NDST3: variants seen among roughly 807,000 people sequenced by gnomAD.
NDST3 encodes the protein bifunctional heparan sulfate N-deacetylase/N-sulfotransferase 3.
Under a neutral mutation model 96.1 loss-of-function variants are expected in NDST3, and 58 were observed. The observed-to-expected ratio is 0.60, with a 90% CI of 0.49 to 0.75. NDST3 has a LOEUF of 0.75. Among genes scored for constraint, NDST3 ranks in the 30% least tolerant of loss-of-function variants. The pLI, the probability that NDST3 is intolerant of heterozygous loss-of-function variation, is 0.00. For missense variants in NDST3, 788 were observed against 1,034.2 expected, an observed-to-expected ratio of 0.76 and a Z score of 3.27; for synonymous variants, 333 against 359.7, an observed-to-expected ratio of 0.93 and a Z score of 0.84.
chr4:118,033,436 G>T (rs534517652), upstream of NDST3, among the ~76,000 whole-genome samples: 6 of 152,226 alleles, frequency 3.9e-5, 1 homozygote, highest in East Asian at 1.2e-3. Flanking sequence ...TGGCAGGCCG[G>T]GGCGGAACCC....
intron 6 of NDST3, among the ~76,000 whole-genome samples, chr4:118,208,030 G>A (rs1738557749): frequency 1.4e-5 from 2 of 144,124 alleles, no homozygotes; most frequent in African/African-American, 5.1e-5. Context: ...AGCTGATTTA[G>A]CTAGTTCCTA....
intron 8 of NDST3, among the ~76,000 whole-genome samples, chr4:118,232,106 A>T (rs565268779): frequency 6.6e-6 from 1 of 152,348 alleles, no homozygotes; most frequent in Non-Finnish European, 1.5e-5. Context: ...TTGAAGCTTA[A>T]GCAAACTTGT....
At chr4:118,244,212 G>T (rs1560742833) in intron 12 of NDST3, among the ~76,000 whole-genome samples, 1 of 152,172 alleles carries the variant, frequency 6.6e-6, no homozygotes, top group Admixed American at 6.5e-5. Context: ...TCATGTCATT[G>T]TCTTGGGTCT....
At chr4:118,061,528 C>G (rs1725893819) in intron 2 of NDST3, among the ~76,000 whole-genome samples, 1 of 152,078 alleles carries the variant, frequency 6.6e-6, no homozygotes, top group South Asian at 2.1e-4. Flanking sequence ...TTCACACAGA[C>G]CCAGTTGTTA....
intron 4 of NDST3, among the ~76,000 whole-genome samples, chr4:118,120,090 T>C (rs554513999): frequency 6.6e-6 from 1 of 152,292 alleles, no homozygotes; most frequent in African/African-American, 2.4e-5. Flanking sequence ...GCTTGACATC[T>C]AGTAGGTAGT....
At chr4:118,139,859 T>C (rs1733424951) in intron 5 of NDST3, among the ~76,000 whole-genome samples, 1 of 152,182 alleles carries the variant, frequency 6.6e-6, no homozygotes, top group Non-Finnish European at 1.5e-5. Flanking sequence ...ACTGCCACCA[T>C]CTTAATTTAC....
At chr4:118,039,683 T>C (rs1387433436) in intron 1 of NDST3, among the ~76,000 whole-genome samples, 7 of 152,108 alleles carry the variant, frequency 4.6e-5, no homozygotes, top group Admixed American at 4.6e-4. Context: ...CAGGGATATA[T>C]ATACTTAGAA....
Position 118,237,119 on chromosome 4 carries a change from C to T in NDST3, c.2017C>T (p.His673Tyr). The change falls in exon 10 of 14, where the codon CAC (histidine) becomes TAC (tyrosine). Residue 673 changes from histidine to tyrosine, a missense_variant. Around this residue, in one of 3 missense-constraint regions of NDST3, gnomAD observed 490 missense variants for 708.8 expected, o/e 0.69. Transcript: ENST00000296499. The stretch of plus-strand genomic sequence containing the variant: ...GTTTGAGAAGAGTGCCAATTACTTC[C>T]ACTCAGAGGAAGCCCCTAAAAGAGC... Reference protein sequence around the residue: ...FLFEKSANYFHSEEAPKRAAS... With the variant: ...FLFEKSANYFYSEEAPKRAAS... The T allele has an allele frequency of 6.2e-7, 1 of 1,613,298 alleles. No individual in the cohort carries two copies. Among genetic ancestry groups the T allele is most frequent in the Non-Finnish European group, 8.5e-7 (1 of 1,179,570 alleles).
chr4:118,203,645 G>A (rs1489286341), intron 6 of NDST3, among the ~76,000 whole-genome samples: 1 of 152,092 alleles, frequency 6.6e-6, no homozygotes, highest in East Asian at 1.9e-4. Flanking sequence ...GTGCAGTGTT[G>A]TTTCTTTGGA....
At chr4:118,090,724 C>T (rs796877464) in intron 2 of NDST3, among the ~76,000 whole-genome samples, 11 of 151,900 alleles carry the variant, frequency 7.2e-5, no homozygotes, top group African/African-American at 2.7e-4. Flanking sequence ...GGAGCTATTT[C>T]TTCTTGGATA....
intron 6 of NDST3, among the ~76,000 whole-genome samples, chr4:118,148,668 AAATT>A (rs1734138942): frequency 6.6e-6 from 1 of 152,214 alleles, no homozygotes; most frequent in African/African-American, 2.4e-5. Flanking sequence ...TTATAAAAAG[AAATT>A]AACCCACATT....
chr4:118,096,261 A>C (rs1729292459), intron 2 of NDST3, among the ~76,000 whole-genome samples: 1 of 151,858 alleles, frequency 6.6e-6, no homozygotes, highest in South Asian at 2.1e-4. Context: ...TCATGTATTG[A>C]ATGCATGTCA....
In NDST3 at chr4:118,105,073, A is replaced by T; in HGVS notation, c.1037A>T (p.Asn346Ile). The T allele has an allele frequency of 6.2e-7, 1 of 1,613,488 alleles. No homozygotes were observed. Among genetic ancestry groups the T allele is most frequent in the Non-Finnish European group, 8.5e-7 (1 of 1,179,630 alleles). Residue 346 changes from asparagine to isoleucine, a missense_variant, in exon 3 of 14, where the codon AAC (asparagine) becomes ATC (isoleucine). Physicochemically the swap from Asn to Ile is moderately radical, Grantham distance 149 (BLOSUM62 -3). Transcript: ENST00000296499. ...GCACAAATCACAAATTTTACATTCA[A>T]CCTGGGATTTTCAGGGAAATTTTAC... ...LRAQITNFTF[N>I]LGFSGKFYHT...
chr4:118,143,475 T>G (rs1450331742), intron 5 of NDST3, 81 bp from the exon 6 acceptor site: 1 of 1,447,386 alleles, frequency 6.9e-7, no homozygotes. Flanking sequence ...GTGCATCATC[T>G]TGTGTGAGCA....
chr4:118,249,529 G>T (rs570048460), intron 12 of NDST3, among the ~76,000 whole-genome samples: 1 of 152,112 alleles, frequency 6.6e-6, no homozygotes, highest in South Asian at 2.1e-4. Flanking sequence ...ACCATAAACA[G>T]CATGAAAACA....
At chr4:118,183,144 C>T (rs146363501) in intron 6 of NDST3, among the ~76,000 whole-genome samples, 20 of 152,244 alleles carry the variant, frequency 1.3e-4, no homozygotes, top group Middle Eastern at 6.8e-3. Flanking sequence ...CTCCACCAGA[C>T]GACACTACAG....
chr4:118,042,871 TC>T (rs2110428325), intron 1 of NDST3, among the ~76,000 whole-genome samples: 1 of 152,298 alleles, frequency 6.6e-6, no homozygotes, highest in Admixed American at 6.5e-5. Flanking sequence ...AATCTCTCTC[TC>T]TTTCTCTCTG....
At chr4:118,034,764 A>G (rs1387039979) in intron 1 of NDST3, among the ~76,000 whole-genome samples, 172 bp downstream of exon 1, 2 of 152,230 alleles carry the variant, frequency 1.3e-5, no homozygotes, top group Non-Finnish European at 1.5e-5. Flanking sequence ...ATTAAGTGAA[A>G]CAAAGGACCG....
chr4:118,113,708 A>G (rs1730829320), intron 3 of NDST3, among the ~76,000 whole-genome samples: 1 of 152,166 alleles, frequency 6.6e-6, no homozygotes, highest in South Asian at 2.1e-4. Flanking sequence ...AATAAAACAA[A>G]TCACATCAGA....
Sources: allele counts gnomAD v4.1 joint callset (sites outside exome capture counted in the v4.1 genomes callset), GRCh38; gene constraint gnomAD v4.1.1; regional missense constraint gnomAD v4.1.1; transcripts MANE v1.5; gene names NCBI Gene and HGNC (gene_info 2026-07-23, HGNC 2026-07-21).